Variants in FRMD3 observed in about 807,000 individuals in gnomAD.
FRMD3 encodes the protein FERM domain containing 3.
Under a neutral mutation model 70.2 loss-of-function variants are expected in FRMD3, and 33 were observed. The observed-to-expected ratio is 0.47, with a 90% confidence interval of 0.36 to 0.63. The LOEUF is 0.63. Ranked by LOEUF, FRMD3 falls within the 20% of genes least tolerant of loss-of-function variation. The pLI is 0.00. For synonymous variants in FRMD3, 279 were observed against 255.9 expected (o/e 1.09, Z -0.86); for missense variants, 632 against 711.4 (o/e 0.89, Z 1.27).
At chr9:83,457,940 AG>A (rs1354656271) in intron 1 of FRMD3, among the ~76,000 whole-genome samples, 1 of 151,184 alleles carries the variant, frequency 6.6e-6, no homozygotes, top group African/African-American at 2.4e-5. Context: ...ACCTCAATAA[AG>A]CTGAAAAAGT....
chr9:83,585,011 C>A, the FRMD3 span, among the ~76,000 whole-genome samples: 4 of 152,160 alleles, frequency 2.6e-5, no homozygotes, highest in Admixed American at 6.5e-5. Flanking sequence ...TCTGAGGTTT[C>A]TTAAACTAGA....
chr9:83,509,786 C>T (rs536164809), intron 1 of FRMD3, among the ~76,000 whole-genome samples: 21 of 150,466 alleles, frequency 1.4e-4, no homozygotes, highest in African/African-American at 2.7e-4. Flanking sequence ...CACACGCGCG[C>T]GCACACACAC....
chr9:83,284,058 G>GTTTTTTT (rs1563993854), intron 13 of FRMD3, among the ~76,000 whole-genome samples: 2 of 79,368 alleles, frequency 2.5e-5, no homozygotes, highest in Admixed American at 1.7e-4. Context: ...AAGCTAGGAT[G>GTTTTTTT]TTATTTTTTT....
downstream of FRMD3, chr9:83,243,255 G>A (rs1278784607): frequency 6.5e-7 from 1 of 1,547,030 alleles, no homozygotes; most frequent in South Asian, 1.2e-5. Flanking sequence ...AAGGAGAGAG[G>A]GAGAGAGAAA....
chr9:83,294,481 G>T (rs1366182343), intron 12 of FRMD3, among the ~76,000 whole-genome samples: 1 of 152,148 alleles, frequency 6.6e-6, no homozygotes, highest in East Asian at 1.9e-4. Context: ...TTCATTTAAA[G>T]CAAGAGCCCG....
At chr9:83,276,470 C>T (rs527645545) in intron 13 of FRMD3, 1 of 152,278 alleles carries the variant, frequency 6.6e-6, no homozygotes, top group Non-Finnish European at 1.5e-5. Flanking sequence ...TATTAAGAAA[C>T]AGGGCATCTG....
chr9:83,438,227 A>G (rs1368122794), intron 1 of FRMD3, among the ~76,000 whole-genome samples: 4 of 152,242 alleles, frequency 2.6e-5, no homozygotes, highest in Admixed American at 1.3e-4. Flanking sequence ...TGAATATAAC[A>G]TTACTCCAAA....
At chr9:83,353,568 G>C (rs1230443131) in intron 3 of FRMD3, among the ~76,000 whole-genome samples, 1 of 152,154 alleles carries the variant, frequency 6.6e-6, no homozygotes, top group Non-Finnish European at 1.5e-5. Flanking sequence ...ATTTGTGAAT[G>C]ATAAACCCCA....
At chr9:83,545,804 T>G in the FRMD3 span, among the ~76,000 whole-genome samples, 5 of 152,150 alleles carry the variant, frequency 3.3e-5, no homozygotes, top group Non-Finnish European at 1.5e-5. Flanking sequence ...TGAGGAAAAC[T>G]TTACTTTTCT....
At chr9:83,488,533 C>T (rs1451531460) in intron 1 of FRMD3, among the ~76,000 whole-genome samples, 4 of 152,168 alleles carry the variant, frequency 2.6e-5, no homozygotes, top group Admixed American at 6.5e-5. Flanking sequence ...AGAATGCCTA[C>T]AATATAGAAA....
chr9:83,420,257 C>T (rs997385374), intron 1 of FRMD3, among the ~76,000 whole-genome samples: 3 of 152,148 alleles, frequency 2.0e-5, no homozygotes, highest in Non-Finnish European at 4.4e-5. Context: ...AGAGAATAAT[C>T]CCCCACATCA....
chr9:83,578,074 GAAGA>G, the FRMD3 span, among the ~76,000 whole-genome samples: 1 of 151,654 alleles, frequency 6.6e-6, no homozygotes, highest in African/African-American at 2.4e-5. Flanking sequence ...GGATAATCTA[GAAGA>G]AATAGATAAA....
chr9:83,532,021 G>C (rs575842878), intron 1 of FRMD3, among the ~76,000 whole-genome samples: 1 of 152,278 alleles, frequency 6.6e-6, no homozygotes, highest in South Asian at 2.1e-4. Context: ...CTCTAATATA[G>C]TTTCACAAAA....
chr9:83,245,043 C>G lies in FRMD3; in HGVS notation c.*2875G>C, dbSNP rs193260030. On this transcript the variant is annotated 3_prime_UTR_variant, in exon 14 of 14. Transcript: ENST00000304195. ...CAGTGGCATTTATGGAAAATTTAAC[C>G]CTTTCAGGCTGTGGGTTTTACCCAC... 315 of 985,088 alleles carry G rather than the reference C, an allele frequency of 3.2e-4. No individual in the cohort carries two copies. Among genetic ancestry groups the G allele is most frequent in the Non-Finnish European group, 3.6e-4 (297 of 829,838 alleles). The allele number at this position is 985,088 out of a possible 1,614,324, so 61.0% of individuals were successfully genotyped here.
At chr9:83,419,674 G>A (rs140879541) in intron 1 of FRMD3, among the ~76,000 whole-genome samples, 301 of 151,896 alleles carry the variant, frequency 2.0e-3, no homozygotes, top group African/African-American at 7.0e-3. Flanking sequence ...GTGTGTGTGT[G>A]TTTATGTGTG....
chr9:83,408,607 T>C (rs1222869988), intron 1 of FRMD3, among the ~76,000 whole-genome samples: 2 of 152,184 alleles, frequency 1.3e-5, no homozygotes, highest in Admixed American at 1.3e-4. Context: ...GAAAACTAGG[T>C]TGATTTATGG....
chr9:83,300,977 C>A (rs759825272), intron 10 of FRMD3, among the ~76,000 whole-genome samples: 3 of 152,172 alleles, frequency 2.0e-5, no homozygotes, highest in Non-Finnish European at 2.9e-5. Context: ...CCTGTGTAAA[C>A]AGCCAAAGAT....
chr9:83,449,231 T>C (rs1313182603), intron 1 of FRMD3, among the ~76,000 whole-genome samples: 2 of 152,200 alleles, frequency 1.3e-5, no homozygotes, highest in African/African-American at 4.8e-5. Context: ...ATGGAGAAAG[T>C]AATGTTATTA....
At position 83,537,990 on chromosome 9, in the gene FRMD3, C is replaced by A; in HGVS notation, c.147+95G>T. 1 of 1,392,374 alleles carries A rather than the reference C, an allele frequency of 7.2e-7. No homozygotes were observed. The highest frequency in any genetic ancestry group is 1.4e-5 in the African/African-American group (1 of 70,826). The allele number at this position is 1,392,374 out of a possible 1,614,324, so 86.3% of individuals were successfully genotyped here. A position where few individuals can be genotyped will look rare whatever the true frequency, so the allele number is the denominator to read the frequency against. Reference sequence around the variant, plus strand: ...TTTCTAGCAGTCCCCCAATCCCCTCCGGGAGTGGGTTCCTTGTTCTCGCAT... The same window carrying A: ...TTTCTAGCAGTCCCCCAATCCCCTCAGGGAGTGGGTTCCTTGTTCTCGCAT... On this transcript the variant is annotated intron_variant, in intron 1 of 13. Transcript: ENST00000304195. The surrounding 1 kb of genome is among the most constrained non-coding windows in gnomAD (Gnocchi z 4.1).
Sources: gnomAD v4.1 joint callset for allele counts (sites outside exome capture counted in the v4.1 genomes callset) on GRCh38, gnomAD v4.1.1 for gene constraint, Gnocchi (gnomAD v3.1) non-coding constraint, MANE v1.5 for transcripts, NCBI Gene and HGNC (gene_info 2026-07-23, HGNC 2026-07-21) for gene names.